Variants in ARHGAP26 observed in about 807,000 individuals in gnomAD.
ARHGAP26 encodes the protein Rho GTPase activating protein 26.
A neutral mutation model predicts 104.8 loss-of-function variants in ARHGAP26; 38 were observed. That is an observed-to-expected ratio of 0.36 (90% CI 0.28 to 0.48). The LOEUF (loss-of-function observed/expected upper bound fraction) is 0.48, where lower values mean the gene tolerates loss of function less well. Among genes scored for constraint, ARHGAP26 ranks in the 20% least tolerant of loss-of-function variants. ARHGAP26 has a pLI of 0.99. For synonymous variants in ARHGAP26, 341 were observed against 340.0 expected, an observed-to-expected ratio of 1.00 and a Z score of -0.03; for missense variants, 704 against 947.9, an observed-to-expected ratio of 0.74 and a Z score of 3.38.
intron 11 of ARHGAP26, among the ~76,000 whole-genome samples, chr5:143,000,281 A>C (rs1777009419): frequency 6.6e-6 from 1 of 152,250 alleles, no homozygotes; most frequent in Non-Finnish European, 1.5e-5. Flanking sequence ...CTAGGTATTT[A>C]CCTAAGAGAA....
chr5:142,774,833 G>A (rs1273724462), intron 1 of ARHGAP26, among the ~76,000 whole-genome samples: 1 of 152,138 alleles, frequency 6.6e-6, no homozygotes, highest in Non-Finnish European at 1.5e-5. Flanking sequence ...GAATTAAACA[G>A]TATGTGGCCT....
intron 17 of ARHGAP26, among the ~76,000 whole-genome samples, chr5:143,108,668 G>T (rs944821813): frequency 6.6e-6 from 1 of 152,132 alleles, no homozygotes; most frequent in Non-Finnish European, 1.5e-5. Context: ...CCAGTCACAT[G>T]AGTTATTTCC....
chr5:142,775,685 A>G (rs946041926), intron 1 of ARHGAP26, among the ~76,000 whole-genome samples: 19 of 152,088 alleles, frequency 1.2e-4, no homozygotes, highest in African/African-American at 4.6e-4. Flanking sequence ...GTCTGTATGA[A>G]TTTACCTATT....
chr5:143,097,070 G>A (rs986286465), intron 17 of ARHGAP26, among the ~76,000 whole-genome samples: 2 of 152,136 alleles, frequency 1.3e-5, no homozygotes, highest in African/African-American at 4.8e-5. Context: ...CATGCGCGGT[G>A]GCTCATGCGT....
At chr5:143,012,564 T>TATATATATATAC (rs1286716791) in intron 11 of ARHGAP26, among the ~76,000 whole-genome samples, 5 of 77,742 alleles carry the variant, frequency 6.4e-5, no homozygotes, top group Admixed American at 3.1e-4. Flanking sequence ...TATATATATA[T>TATATATATATAC]ATATATATAT....
At chr5:143,032,568 G>A (rs529464328) in intron 12 of ARHGAP26, among the ~76,000 whole-genome samples, 57 of 152,174 alleles carry the variant, frequency 3.7e-4, no homozygotes, top group Non-Finnish European at 7.2e-4. Flanking sequence ...TTTTTCTGTC[G>A]TTAGCAAACG....
At chr5:142,787,779 A>G (rs1419624655) in intron 1 of ARHGAP26, among the ~76,000 whole-genome samples, 2 of 152,236 alleles carry the variant, frequency 1.3e-5, no homozygotes, top group East Asian at 3.8e-4. Context: ...AATGCAAATT[A>G]TGCCTATAGT....
At chr5:142,860,382 T>G (rs1753114311) in intron 1 of ARHGAP26, 1 of 152,146 alleles carries the variant, frequency 6.6e-6, no homozygotes, top group South Asian at 2.1e-4. Context: ...AGGTTTAATA[T>G]TTGCAGGCTC....
rs574508098 is a variant in ARHGAP26, at chr5:142,846,429, G to A, written c.155-26971G>A. On this transcript the variant is annotated intron_variant, in intron 1 of 22. Coordinates refer to ENST00000645722, the MANE Select transcript of ARHGAP26 (RefSeq NM_001135608.3). ...GAATGTCTTTTGGTGTGGCCCAGGTGAGCCAGAATTTCAGGTCTTTTTGAG... is the reference window on the plus strand; with the variant it reads ...GAATGTCTTTTGGTGTGGCCCAGGTAAGCCAGAATTTCAGGTCTTTTTGAG... 2.0e-5 allele frequency among the ~76,000 whole-genome samples: 3 copies of A among 152,342 alleles called. No homozygotes were observed. The South Asian group carries it at 6.2e-4, about 32-fold the overall frequency.
intron 18 of ARHGAP26, among the ~76,000 whole-genome samples, chr5:143,133,108 T>C (rs1421148252): frequency 6.6e-6 from 1 of 152,226 alleles, no homozygotes; most frequent in East Asian, 1.9e-4. Flanking sequence ...TTATAATTAT[T>C]AAAGTCTGCC....
chr5:143,050,523 C>CT (rs1227778463), intron 14 of ARHGAP26, among the ~76,000 whole-genome samples: 3 of 152,146 alleles, frequency 2.0e-5, no homozygotes. Context: ...GTCTGCATTT[C>CT]TTTTTTTATG....
chr5:143,041,230 A>G (rs1397930486), intron 13 of ARHGAP26, among the ~76,000 whole-genome samples: 2 of 152,222 alleles, frequency 1.3e-5, no homozygotes, highest in Non-Finnish European at 2.9e-5. Context: ...GTTTAATTTA[A>G]AAGTAAACCC....
rs551013311 is a variant in ARHGAP26, at chr5:142,879,421, A to G, written c.360A>G (p.Arg120=). Residue 120 remains arginine, a synonymous_variant, in exon 4 of 23, where the codon CGA becomes CGG. Coordinates refer to ENST00000645722, the MANE Select transcript of ARHGAP26 (RefSeq NM_001135608.3). ...TCATCACTCCCTTGGAGAAGTTTCG[A>G]AAGGAACAGATCGGGGCTGCCAAGG... ...EVLITPLEKF[R]KEQIGAAKEA... is the part of the protein sequence containing the mutation. 2.5e-6 allele frequency: 4 copies of G among 1,613,978 alleles called. No homozygotes were observed. The Admixed American group carries it at 6.7e-5, about 27-fold the overall frequency.
chr5:143,143,022 T>C (rs551575093), intron 19 of ARHGAP26, among the ~76,000 whole-genome samples: 7 of 152,184 alleles, frequency 4.6e-5, no homozygotes, highest in Non-Finnish European at 8.8e-5. Flanking sequence ...GTGGAGAGTC[T>C]GTTCCCTCCT....
intron 1 of ARHGAP26, among the ~76,000 whole-genome samples, chr5:142,796,993 G>A (rs556058514): frequency 6.6e-6 from 1 of 152,324 alleles, no homozygotes; most frequent in Admixed American, 6.5e-5. Context: ...AGCCTGGTTG[G>A]CTATATCATC....
chr5:143,036,022 A>T (rs1598740311), intron 12 of ARHGAP26, among the ~76,000 whole-genome samples: 1 of 152,102 alleles, frequency 6.6e-6, no homozygotes, highest in South Asian at 2.1e-4. Flanking sequence ...ATAAAAAAAT[A>T]AAATGTTCAT....
chr5:143,052,650 G>T (rs1785213085), intron 14 of ARHGAP26, among the ~76,000 whole-genome samples: 1 of 152,150 alleles, frequency 6.6e-6, no homozygotes, highest in African/African-American at 2.4e-5. Flanking sequence ...GTATGTGTCA[G>T]GGGAACACAC....
intron 20 of ARHGAP26, among the ~76,000 whole-genome samples, chr5:143,151,086 AC>A (rs1322649650): frequency 1.2e-4 from 19 of 152,214 alleles, no homozygotes; most frequent in Non-Finnish European, 4.4e-5. Flanking sequence ...TAAACAAAGA[AC>A]CCAATTAAAA....
chr5:143,012,732 C>A lies in ARHGAP26; in HGVS notation c.1108-1348C>A, dbSNP rs567515678. Among the ~76,000 whole-genome samples the A allele has an allele frequency of 2.4e-3, 358 of 149,478 alleles. 3 individuals carry two copies. The Middle Eastern group carries it at 0.041, about 17-fold the overall frequency. ...GCAGTGGCGTGATCTCGGCTCACTGCAAGCTCGACCTCCTGGGTTCATGCC... is the reference window on the plus strand; with the variant it reads ...GCAGTGGCGTGATCTCGGCTCACTGAAAGCTCGACCTCCTGGGTTCATGCC... On this transcript the variant is annotated intron_variant, in intron 11 of 22. Coordinates refer to ENST00000645722, the MANE Select transcript of ARHGAP26 (RefSeq NM_001135608.3).
Sources: gnomAD v4.1 joint callset for allele counts (sites outside exome capture counted in the v4.1 genomes callset) on GRCh38, gnomAD v4.1.1 for gene constraint, MANE v1.5 for transcripts, NCBI Gene and HGNC (gene_info 2026-07-23, HGNC 2026-07-21) for gene names.